The following MED27 variants were observed in gnomAD, a reference collection of about 807,000 sequenced individuals.
MED27 encodes the protein mediator complex subunit 27, also known as mediator of RNA polymerase II transcription subunit 27.
MED27 carries 30 observed loss-of-function variants against 38.2 expected under a neutral mutation model. That is an observed-to-expected ratio of 0.79 (90% CI 0.59 to 1.07). The LOEUF is 1.07. Ranked by LOEUF, MED27 falls within the 50% of genes least tolerant of loss-of-function variation. The pLI is 0.00. For synonymous variants in MED27, 122 were observed against 153.5 expected, an observed-to-expected ratio of 0.79 and a Z score of 1.52; for missense variants, 289 against 397.5, an observed-to-expected ratio of 0.73 and a Z score of 2.32.
chr9:132,028,334 A>G (rs192796640), intron 2 of MED27, among the ~76,000 whole-genome samples: 1 of 152,284 alleles, frequency 6.6e-6, no homozygotes, highest in African/African-American at 2.4e-5. Context: ...TATTACATAC[A>G]GAGGGTTTGT....
intron 3 of MED27, among the ~76,000 whole-genome samples, chr9:131,950,639 A>G (rs1002372282): frequency 6.6e-6 from 1 of 152,192 alleles, no homozygotes; most frequent in African/African-American, 2.4e-5. Context: ...ATTAAAGCAA[A>G]TGCACACTCA....
chr9:131,906,360 A>G (rs1370671983), intron 4 of MED27, among the ~76,000 whole-genome samples: 1 of 152,258 alleles, frequency 6.6e-6, no homozygotes, highest in Non-Finnish European at 1.5e-5. Context: ...CCTACTGGGT[A>G]AGACAAGGTC....
intron 4 of MED27, among the ~76,000 whole-genome samples, chr9:131,904,539 C>G (rs7018480): frequency 0.74 from 110,789 of 150,498 alleles, 40,852 homozygotes; most frequent in African/African-American, 0.81. Flanking sequence ...AAATAGAGAT[C>G]GGGGGGGAGC....
At chr9:132,055,353 A>T (rs1479419945) in intron 2 of MED27, among the ~76,000 whole-genome samples, 3 of 152,194 alleles carry the variant, frequency 2.0e-5, no homozygotes, top group Admixed American at 1.3e-4. Context: ...ACGCTCACCA[A>T]GTTTTATTGC....
chr9:132,068,172 C>T (rs1377870798), intron 2 of MED27, among the ~76,000 whole-genome samples: 1 of 152,092 alleles, frequency 6.6e-6, no homozygotes, highest in East Asian at 1.9e-4. Flanking sequence ...GTCAACAGGT[C>T]ATGTACAGAG....
intron 5 of MED27, among the ~76,000 whole-genome samples, chr9:131,892,588 G>A (rs938444595): frequency 3.9e-5 from 6 of 152,148 alleles, no homozygotes; most frequent in Non-Finnish European, 7.3e-5. Context: ...GCAAGCAAGG[G>A]CTATGTTTTG....
At chr9:131,881,193 A>G (rs1564266522) in intron 6 of MED27, among the ~76,000 whole-genome samples, 1 of 152,240 alleles carries the variant, frequency 6.6e-6, no homozygotes, top group Non-Finnish European at 1.5e-5. Flanking sequence ...CTTTCTCCTC[A>G]GAATATTTTT....
chr9:132,012,233 C>A (rs901975270), intron 3 of MED27, among the ~76,000 whole-genome samples: 10 of 152,198 alleles, frequency 6.6e-5, no homozygotes, highest in Non-Finnish European at 1.5e-4. Flanking sequence ...AGTTACAAGG[C>A]CCATTAGACT....
chr9:131,867,200 C>T (rs560749402), intron 6 of MED27, among the ~76,000 whole-genome samples: 3 of 152,146 alleles, frequency 2.0e-5, no homozygotes, highest in Non-Finnish European at 4.4e-5. Context: ...TGACTCTCTG[C>T]GGGGAGAGTG....
intron 5 of MED27, among the ~76,000 whole-genome samples, chr9:131,886,359 A>C (rs1839141004): frequency 6.6e-6 from 1 of 152,176 alleles, no homozygotes; most frequent in South Asian, 2.1e-4. Context: ...CTCCATGACA[A>C]ATCATGGAGG....
chr9:131,864,310 C>T (rs980325152), intron 6 of MED27, among the ~76,000 whole-genome samples: 6 of 151,938 alleles, frequency 3.9e-5, no homozygotes, highest in African/African-American at 1.5e-4. Context: ...AGCAAGACCC[C>T]GCCTCTATAG....
In MED27 at chr9:131,991,261, C is replaced by T. The variant is rs181599395; in HGVS notation, c.479+23076G>A. Among the ~76,000 whole-genome samples the T allele has an allele frequency of 5.9e-5, 9 of 152,354 alleles. No homozygotes were observed. The East Asian group carries it at 1.5e-3, about 26-fold the overall frequency. ...GAGAGAGAAATACTCTCAGATACAA[C>T]TGCTCAGAACTTAATTTTAAAGCAG... On this transcript the variant is annotated intron_variant, in intron 3 of 7. Coordinates refer to ENST00000292035, the MANE Select transcript of MED27 (RefSeq NM_004269.4).
intron 2 of MED27, among the ~76,000 whole-genome samples, chr9:132,047,601 A>C (rs1237873036): frequency 6.6e-6 from 1 of 152,114 alleles, no homozygotes; most frequent in Non-Finnish European, 1.5e-5. Flanking sequence ...CCGAGACTCT[A>C]TCTTTAGGAA....
intron 4 of MED27, among the ~76,000 whole-genome samples, chr9:131,928,988 C>T (rs1054787982): frequency 4.6e-5 from 7 of 152,304 alleles, no homozygotes; most frequent in South Asian, 2.1e-4. Flanking sequence ...GACAGGAGAG[C>T]GAAGAGTAAA....
rs553937695 is a variant in MED27, at chr9:131,877,283, C to T, written c.723+6775G>A. Among the ~76,000 whole-genome samples the T allele has an allele frequency of 5.3e-5, 8 of 152,218 alleles. No homozygotes were observed. In the South Asian group the frequency reaches 1.2e-3, roughly 24 times the overall value. ...GAAATGTTAGAAACTGAAAATAACGCGGCTGGGCACAGTGGCTCACGTCTG... is the reference window on the plus strand; with the variant it reads ...GAAATGTTAGAAACTGAAAATAACGTGGCTGGGCACAGTGGCTCACGTCTG... On this transcript the variant is annotated intron_variant, in intron 6 of 7. Transcript: ENST00000292035.
chr9:132,009,137 A>C (rs1832428948), intron 3 of MED27, among the ~76,000 whole-genome samples: 1 of 152,226 alleles, frequency 6.6e-6, no homozygotes, highest in Non-Finnish European at 1.5e-5. Context: ...AGAACTTCCC[A>C]AAAACCAAGA....
At chr9:131,987,240 T>G (rs1831873202) in intron 3 of MED27, among the ~76,000 whole-genome samples, 1 of 152,074 alleles carries the variant, frequency 6.6e-6, no homozygotes. Context: ...TTTTACTAGT[T>G]TTAACTTCTT....
chr9:131,883,966 CA>C lies in MED27; in HGVS notation c.723+91del, dbSNP rs1839092566. 8.7e-7 allele frequency: 1 copy of C among 1,146,790 alleles called. No homozygotes were observed. The highest frequency in any genetic ancestry group is 1.4e-5 in the South Asian group (1 of 70,420). 71.0% of individuals were successfully genotyped at this position (1,146,790 alleles called of 1,614,324 possible). A position where few individuals can be genotyped will look rare whatever the true frequency, so the allele number is the denominator to read the frequency against. ...TTCTGTCTGGCTTTTTTCACTTTTT[CA>C]AAAGCCTCTGATTTGAGACCAATGT... On this transcript the variant is annotated intron_variant, in intron 6 of 7. Transcript: ENST00000292035. This position sits in a 1 kb window ranked among gnomAD's most constrained non-coding sequence, Gnocchi z 4.2.
Position 131,883,108 on chromosome 9 carries a change from T to C in MED27, c.723+950A>G, listed in dbSNP as rs984962647. On this transcript the variant is annotated intron_variant, in intron 6 of 7. Transcript: ENST00000292035. This position sits in a 1 kb window ranked among gnomAD's most constrained non-coding sequence, Gnocchi z 4.2. Reference sequence around the variant, plus strand: ...TTTTAGTACAGACAGGGTTTTGCCATATTGGCTAGGCTGGTCTTGAACTCC... The same window carrying C: ...TTTTAGTACAGACAGGGTTTTGCCACATTGGCTAGGCTGGTCTTGAACTCC... 6.6e-6 allele frequency among the ~76,000 whole-genome samples: 1 copy of C among 152,166 alleles called. No homozygotes were observed. The highest frequency in any genetic ancestry group is 1.5e-5 in the Non-Finnish European group (1 of 68,022).
Sources: gnomAD v4.1 joint callset for allele counts (sites outside exome capture counted in the v4.1 genomes callset) on GRCh38, gnomAD v4.1.1 for gene constraint, Gnocchi (gnomAD v3.1) non-coding constraint, MANE v1.5 for transcripts, NCBI Gene and HGNC (gene_info 2026-07-23, HGNC 2026-07-21) for gene names.